TNKS2: variants seen among roughly 807,000 people sequenced by gnomAD.
TNKS2 encodes tankyrase 2, also known as poly [ADP-ribose] polymerase tankyrase-2.
TNKS2 carries 72 observed loss-of-function variants against 137.6 expected under a neutral mutation model. The ratio of observed to expected loss-of-function variants is 0.52; its 90% CI spans 0.43 to 0.64. TNKS2 has a LOEUF of 0.64. TNKS2 is among the 30% of genes least tolerant of loss of function. TNKS2 has a pLI of 0.00. For missense variants in TNKS2, 1,049 were observed against 1,410.2 expected, an observed-to-expected ratio of 0.74 and a Z score of 4.10; for synonymous variants, 516 against 512.1, an observed-to-expected ratio of 1.01 and a Z score of -0.10.
chr10:91,843,228 C>G (rs1021560158), intron 16 of TNKS2, among the ~76,000 whole-genome samples: 1 of 152,166 alleles, frequency 6.6e-6, no homozygotes, highest in Non-Finnish European at 1.5e-5. Flanking sequence ...AATTTGTTTT[C>G]TCACAGTTCT....
chr10:91,840,769 C>T (rs1246366216), intron 14 of TNKS2, 63 bp downstream of exon 14: 6 of 1,458,588 alleles, frequency 4.1e-6, no homozygotes, highest in Non-Finnish European at 5.6e-6. Context: ...TTAGGAAAAC[C>T]TGGAAATATA....
At chr10:91,828,233 A>C in intron 8 of TNKS2, 52 bp from the exon 9 acceptor site, 1 of 1,415,124 alleles carries the variant, frequency 7.1e-7, no homozygotes, top group Non-Finnish European at 9.3e-7. Flanking sequence ...CTTTTAGATA[A>C]GGCTTTTCAA....
At chr10:91,831,223 AT>A (rs775086055) in intron 11 of TNKS2, 42 bp downstream of exon 11, 2 of 1,555,762 alleles carry the variant, frequency 1.3e-6, no homozygotes, top group South Asian at 2.2e-5. Context: ...CCAATGAGTT[AT>A]TTTTTATTTA....
intron 1 of TNKS2, among the ~76,000 whole-genome samples, chr10:91,800,297 C>T (rs1249751526): frequency 6.6e-6 from 1 of 152,192 alleles, no homozygotes; most frequent in Non-Finnish European, 1.5e-5. Flanking sequence ...ATGTAGTCAA[C>T]ATTTAAACAA....
At chr10:91,807,295 A>G in intron 1 of TNKS2, 1 of 1,613,724 alleles carries the variant, frequency 6.2e-7, no homozygotes, top group Non-Finnish European at 8.5e-7. Context: ...TTATACACCA[A>G]ACAAACTAAA....
Position 91,836,942 on chromosome 10 carries a change from G to C in TNKS2, c.1471G>C (p.Glu491Gln). 1 of 1,613,348 alleles carries C rather than the reference G, an allele frequency of 6.2e-7. No individual in the cohort carries two copies. The highest frequency in any genetic ancestry group is 8.5e-7 in the Non-Finnish European group (1 of 1,179,632). ...LQEGISLGNS[E>Q]ADRQLLEAAK... ...AGAGGGTATCTCATTAGGTAATTCA[G>C]AGGCAGACAGACAATTGCTGGAAGC... The change falls in exon 13 of 27, where the codon GAG becomes CAG. Residue 491 changes from glutamate to glutamine, a missense_variant. By Grantham distance (29) the Glu-to-Gln change is conservative. Transcript: ENST00000371627.
chr10:91,828,392 CATG>C lies in TNKS2; in HGVS notation c.1092_1094del (p.His364_Glu365delinsGln). The C allele has an allele frequency of 6.3e-7, 1 of 1,587,054 alleles. No individual in the cohort carries two copies. Among genetic ancestry groups the C allele is most frequent in the Non-Finnish European group, 8.5e-7 (1 of 1,169,964 alleles). On this transcript the variant is annotated inframe_deletion, in exon 9 of 27. Coordinates refer to ENST00000371627, the MANE Select transcript of TNKS2 (RefSeq NM_025235.4). ...GGTGAATTTCAAGCATCCTCAAACA[CATG>C]AAACAGCATTGGTAATGTTTCAGAT...
Position 91,863,375 on chromosome 10 carries a change from T to C in TNKS2, c.*376T>C, listed in dbSNP as rs1842902746. 1 of 157,584 alleles carries C rather than the reference T, an allele frequency of 6.3e-6. No homozygotes were observed. Among genetic ancestry groups the C allele is most frequent in the South Asian group, 2.0e-4 (1 of 4,962 alleles). The allele number at this position is 157,584 out of a possible 1,614,324, so 9.8% of individuals were successfully genotyped here. On this transcript the variant is annotated 3_prime_UTR_variant, in exon 27 of 27. Coordinates refer to ENST00000371627, the MANE Select transcript of TNKS2 (RefSeq NM_025235.4). ...GTTCTTTAAAACACAGCATTTACAC[T>C]GAATACAATTTCATTTGTAAAACTG...
intron 1 of TNKS2, among the ~76,000 whole-genome samples, chr10:91,800,021 CT>C (rs1224879611): frequency 2.6e-5 from 4 of 152,200 alleles, no homozygotes; most frequent in Non-Finnish European, 5.9e-5. Flanking sequence ...GATTTGTTCG[CT>C]TTAACCTGTT....
chr10:91,835,196 G>GA (rs58494569), intron 12 of TNKS2, among the ~76,000 whole-genome samples: 49,434 of 151,146 alleles, frequency 0.33, 8,555 homozygotes, highest in South Asian at 0.53. Flanking sequence ...CTAGCAGATG[G>GA]AAAAAAAATG....
chr10:91,842,779 AT>A (rs1421733232), intron 16 of TNKS2, among the ~76,000 whole-genome samples: 6 of 152,104 alleles, frequency 3.9e-5, no homozygotes, highest in African/African-American at 7.2e-5. Context: ...AATAAAAAAA[AT>A]AAATAAAAAT....
In TNKS2 at chr10:91,841,275, C is replaced by T. The variant is rs1182281337; in HGVS notation, c.1674-8C>T. 1.3e-6 allele frequency: 2 copies of T among 1,509,170 alleles called. No homozygotes were observed. Among genetic ancestry groups the T allele is most frequent in the East Asian group, 2.4e-5 (1 of 41,438 alleles). 93.5% of individuals were successfully genotyped at this position (1,509,170 alleles called of 1,614,324 possible). On this transcript the variant is annotated splice_region_variant and splice_polypyrimidine_tract_variant and intron_variant, in intron 14 of 26. Coordinates refer to ENST00000371627, the MANE Select transcript of TNKS2 (RefSeq NM_025235.4). ...CTGTGGCATTATTGTTCATTTATTA[C>T]TTTTCAGAGGCCTTGTACCTTTGCA...
intron 26 of TNKS2, 123 bp from the exon 27 acceptor site, chr10:91,862,814 A>G (rs1842885950): frequency 1.6e-6 from 1 of 632,844 alleles, no homozygotes; most frequent in Admixed American, 2.9e-5. Context: ...ATGTCCCTAG[A>G]TGATTCTGAT....
chr10:91,817,292 A>G (rs547657684), intron 3 of TNKS2, 63 bp downstream of exon 3: 3 of 1,153,126 alleles, frequency 2.6e-6, no homozygotes, highest in African/African-American at 3.1e-5. Flanking sequence ...CAGGTAGGAA[A>G]TTTGCCTCCT....
chr10:91,859,716 C>A, intron 25 of TNKS2, 68 bp downstream of exon 25: 1 of 1,351,296 alleles, frequency 7.4e-7, no homozygotes, highest in Non-Finnish European at 1.0e-6. Flanking sequence ...TTTTTGAGGG[C>A]AAAGCATTAT....
chr10:91,856,980 A>G (rs1842724657), intron 23 of TNKS2, among the ~76,000 whole-genome samples: 1 of 152,002 alleles, frequency 6.6e-6, no homozygotes, highest in South Asian at 2.1e-4. Context: ...GTAATTGTGT[A>G]TGTGTTGAGG....
chr10:91,855,879 GATA>G (rs1307704074), intron 23 of TNKS2, among the ~76,000 whole-genome samples, 191 bp downstream of exon 23: 2 of 152,028 alleles, frequency 1.3e-5, no homozygotes. Context: ...TTTAATAAAG[GATA>G]ATAATTCAAT....
chr10:91,827,002 C>T lies in TNKS2; in HGVS notation c.796-15C>T. The T allele has an allele frequency of 6.6e-7, 1 of 1,509,684 alleles. No homozygotes were observed. The highest frequency in any genetic ancestry group is 2.3e-5 in the East Asian group (1 of 43,018). 93.5% of individuals were successfully genotyped at this position (1,509,684 alleles called of 1,614,324 possible). A position where few individuals can be genotyped will look rare whatever the true frequency, so the allele number is the denominator to read the frequency against. ...TTAAAAATTGAACATTAAATATATGCTTTTTGCTCTCCAGCATGGTGCCTG... is the reference window on the plus strand; with the variant it reads ...TTAAAAATTGAACATTAAATATATGTTTTTTGCTCTCCAGCATGGTGCCTG... On this transcript the variant is annotated splice_polypyrimidine_tract_variant and intron_variant, in intron 7 of 26. Transcript: ENST00000371627.
Position 91,798,700 on chromosome 10 carries a change from C to A in TNKS2, c.10C>A (p.Arg4Ser). The A allele has an allele frequency of 1.6e-6, 2 of 1,231,166 alleles. No individual in the cohort carries two copies. Among genetic ancestry groups the A allele is most frequent in the South Asian group, 4.0e-5 (1 of 25,124 alleles). The allele number at this position is 1,231,166 out of a possible 1,614,324, so 76.3% of individuals were successfully genotyped here. The part of the protein sequence containing the change: MSG[R>S]RCAGGGAACA... Reference sequence around the variant, plus strand: ...GGCGGCGGCCAGGATCATGTCGGGTCGCCGCTGCGCCGGCGGGGGAGCGGC... The same window carrying A: ...GGCGGCGGCCAGGATCATGTCGGGTAGCCGCTGCGCCGGCGGGGGAGCGGC... Residue 4 changes from arginine (R) to serine (S), a missense_variant, in exon 1 of 27, where the codon CGC (arginine) becomes AGC (serine). Physicochemically the swap from Arg to Ser is moderately radical, Grantham distance 110. This residue lies in a region of TNKS2 where 374 missense variants were observed against 460.8 expected (regional missense o/e 0.81). Transcript: ENST00000371627.
Sources: allele counts gnomAD v4.1 joint callset (sites outside exome capture counted in the v4.1 genomes callset), GRCh38; gene constraint gnomAD v4.1.1; regional missense constraint gnomAD v4.1.1; transcripts MANE v1.5; gene names NCBI Gene and HGNC (gene_info 2026-07-23, HGNC 2026-07-21).